The following ATRNL1 variants were observed in gnomAD, a reference collection of about 807,000 sequenced individuals.
The protein encoded by ATRNL1 is attractin like 1, also known as attractin-like protein 1.
ATRNL1 carries 95 observed loss-of-function variants against 182.7 expected under a neutral mutation model. The observed-to-expected ratio is 0.52, with a 90% CI of 0.44 to 0.62. The LOEUF (loss-of-function observed/expected upper bound fraction) is 0.62. ATRNL1 is among the 20% of genes least tolerant of loss of function. The pLI, the probability that ATRNL1 is intolerant of heterozygous loss-of-function variation, is 0.00. For missense variants in ATRNL1, 1,471 were observed against 1,679.5 expected, an observed-to-expected ratio of 0.88 and a Z score of 2.17; for synonymous variants, 576 against 568.3, an observed-to-expected ratio of 1.01 and a Z score of -0.19.
chr10:115,147,859 T>C (rs944400082), intron 5 of ATRNL1, among the ~76,000 whole-genome samples: 4 of 152,212 alleles, frequency 2.6e-5, no homozygotes, highest in South Asian at 2.1e-4. Flanking sequence ...TTTTGGTTAC[T>C]ATAGCCTTGT....
chr10:115,408,152 C>A (rs1226566238), intron 20 of ATRNL1, among the ~76,000 whole-genome samples: 1 of 151,094 alleles, frequency 6.6e-6, no homozygotes, highest in Non-Finnish European at 1.5e-5. Flanking sequence ...TACAGGCGCC[C>A]GCCACCGCGC....
At chr10:115,241,775 A>T in intron 10 of ATRNL1, 50 bp downstream of exon 10, 1 of 1,486,998 alleles carries the variant, frequency 6.7e-7, no homozygotes, top group Admixed American at 1.8e-5. Context: ...GAAATTTTCC[A>T]TATAGATATT....
chr10:115,520,465 C>T (rs151075280), intron 25 of ATRNL1, among the ~76,000 whole-genome samples: 3 of 152,238 alleles, frequency 2.0e-5, no homozygotes, highest in African/African-American at 7.2e-5. Flanking sequence ...GCAGACAAAG[C>T]CAATATGGAA....
chr10:115,284,744 C>G (rs1852526599), intron 14 of ATRNL1, among the ~76,000 whole-genome samples: 1 of 152,052 alleles, frequency 6.6e-6, no homozygotes, highest in South Asian at 2.1e-4. Flanking sequence ...TTCCAATAGA[C>G]TGAATGTAGA....
In ATRNL1 at chr10:115,406,766, G is replaced by A. The variant is rs557213284; in HGVS notation, c.3269+12014G>A. 2.4e-4 allele frequency among the ~76,000 whole-genome samples: 36 copies of A among 152,128 alleles called. 1 individual carries two copies. In the Middle Eastern group the frequency reaches 0.017, roughly 72 times the overall value. On this transcript the variant is annotated intron_variant, in intron 20 of 28. Coordinates refer to ENST00000355044, the MANE Select transcript of ATRNL1 (RefSeq NM_207303.4). ...AATATTTTATACATGCTATGTACACGTCTTTTGTTGGTGATATGTTTAGTA... is the reference window on the plus strand; with the variant it reads ...AATATTTTATACATGCTATGTACACATCTTTTGTTGGTGATATGTTTAGTA...
chr10:115,730,956 G>A (rs2134071304), intron 27 of ATRNL1, among the ~76,000 whole-genome samples: 1 of 152,278 alleles, frequency 6.6e-6, no homozygotes, highest in Non-Finnish European at 1.5e-5. Flanking sequence ...GAAGCATCCA[G>A]CATGGGAGAA....
intron 8 of ATRNL1, among the ~76,000 whole-genome samples, chr10:115,203,488 G>A (rs1554892992): frequency 6.6e-6 from 1 of 151,460 alleles, no homozygotes; most frequent in East Asian, 1.9e-4. Context: ...CTTGGTACAT[G>A]ATAAAGTACA....
chr10:115,220,044 G>A (rs1195531950), intron 9 of ATRNL1, among the ~76,000 whole-genome samples: 2 of 152,132 alleles, frequency 1.3e-5, no homozygotes, highest in Non-Finnish European at 2.9e-5. Flanking sequence ...TTACCAAGGT[G>A]ACTTATTAAT....
At chr10:115,363,561 G>A (rs1856862142) in intron 19 of ATRNL1, among the ~76,000 whole-genome samples, 1 of 148,454 alleles carries the variant, frequency 6.7e-6, no homozygotes, top group Admixed American at 6.7e-5. Context: ...TGTTGCCATT[G>A]CTTTTGGTGT....
intron 27 of ATRNL1, among the ~76,000 whole-genome samples, chr10:115,840,026 A>G (rs1950767014): frequency 6.6e-6 from 1 of 152,170 alleles, no homozygotes; most frequent in Non-Finnish European, 1.5e-5. Flanking sequence ...GGAAAAGGGA[A>G]AACAAACATC....
intron 15 of ATRNL1, among the ~76,000 whole-genome samples, chr10:115,293,380 C>T (rs1853015242): frequency 6.6e-6 from 1 of 152,106 alleles, no homozygotes; most frequent in Non-Finnish European, 1.5e-5. Context: ...AGAATTATTC[C>T]TATCAATTTA....
At chr10:115,188,177 ATG>A (rs1554889152) in intron 8 of ATRNL1, among the ~76,000 whole-genome samples, 1 of 152,102 alleles carries the variant, frequency 6.6e-6, no homozygotes, top group African/African-American at 2.4e-5. Flanking sequence ...TGACAGGTAT[ATG>A]TGTATGGGGA....
At chr10:115,392,215 A>C (rs782763048) in intron 19 of ATRNL1, among the ~76,000 whole-genome samples, 2 of 152,184 alleles carry the variant, frequency 1.3e-5, no homozygotes, top group Non-Finnish European at 2.9e-5. Context: ...CAAAATAATA[A>C]GCAGTACTTT....
intron 1 of ATRNL1, among the ~76,000 whole-genome samples, chr10:115,095,572 C>T (rs528263991): frequency 2.3e-4 from 35 of 151,868 alleles, no homozygotes; most frequent in African/African-American, 7.7e-4. Context: ...AGGGTTTATA[C>T]TTTAAAGGTA....
Position 115,835,631 on chromosome 10 carries a change from A to G in ATRNL1, c.3904-12246A>G, listed in dbSNP as rs1950651824. On this transcript the variant is annotated intron_variant, in intron 27 of 28. Coordinates refer to ENST00000355044, the MANE Select transcript of ATRNL1 (RefSeq NM_207303.4). ...AACATATAAAATTGGGCCTTGGCCC[A>G]GTCACTCTTAGCTAATAAAGAAATT... Among the ~76,000 whole-genome samples the G allele has an allele frequency of 2.0e-5, 3 of 152,220 alleles. No individual in the cohort carries two copies. The South Asian group carries it at 6.2e-4, about 31-fold the overall frequency.
At chr10:115,157,328 G>A (rs1368717894) in intron 5 of ATRNL1, among the ~76,000 whole-genome samples, 1 of 148,134 alleles carries the variant, frequency 6.8e-6, no homozygotes, top group Admixed American at 6.7e-5. Context: ...GTCGTTGTTT[G>A]TGTTTTAAAT....
At chr10:115,834,837 A>G (rs1217859220) in intron 27 of ATRNL1, among the ~76,000 whole-genome samples, 2 of 152,194 alleles carry the variant, frequency 1.3e-5, no homozygotes, top group African/African-American at 4.8e-5. Context: ...TTATCTTAAA[A>G]GGATTGATGT....
At chr10:115,869,307 G>A (rs1027217353) in intron 28 of ATRNL1, among the ~76,000 whole-genome samples, 3 of 152,150 alleles carry the variant, frequency 2.0e-5, no homozygotes, top group Non-Finnish European at 4.4e-5. Context: ...AGCATGATTA[G>A]CCAGAGCAAT....
intron 5 of ATRNL1, among the ~76,000 whole-genome samples, chr10:115,142,096 C>G (rs1242739475): frequency 2.0e-5 from 3 of 151,776 alleles, no homozygotes; most frequent in Admixed American, 6.6e-5. Context: ...GAGACAGACC[C>G]TAAATAATAA....
Sources: allele counts gnomAD v4.1 joint callset (sites outside exome capture counted in the v4.1 genomes callset), GRCh38; gene constraint gnomAD v4.1.1; transcripts MANE v1.5; gene names NCBI Gene and HGNC (gene_info 2026-07-23, HGNC 2026-07-21).